Variants in RUNX1 observed in about 807,000 individuals in gnomAD.
RUNX1 encodes RUNX family transcription factor 1.
Under a neutral mutation model 42.8 loss-of-function variants are expected in RUNX1, and 19 were observed. That is an observed-to-expected ratio of 0.44 (90% CI 0.31 to 0.65). RUNX1 has a LOEUF of 0.65. RUNX1 is among the 30% of genes least tolerant of loss of function. The pLI, the probability that RUNX1 is intolerant of heterozygous loss-of-function variation, is 0.07. For missense variants in RUNX1, 528 were observed against 672.0 expected (o/e 0.79, Z 2.37); for synonymous variants, 271 against 289.4 (o/e 0.94, Z 0.64).
At chr21:34,974,168 T>C (rs931232715) in intron 2 of RUNX1, among the ~76,000 whole-genome samples, 9 of 152,320 alleles carry the variant, frequency 5.9e-5, no homozygotes, top group Admixed American at 6.5e-5. Context: ...CTTCTTGATA[T>C]GCCTGATAGT....
At chr21:35,020,843 C>T (rs1047880921) in intron 2 of RUNX1, among the ~76,000 whole-genome samples, 1 of 152,124 alleles carries the variant, frequency 6.6e-6, no homozygotes, top group African/African-American at 2.4e-5. Flanking sequence ...GTATTTACAA[C>T]CTTTAAAAGT....
At chr21:34,885,351 G>A (rs1256197755) in intron 4 of RUNX1, among the ~76,000 whole-genome samples, 1 of 152,130 alleles carries the variant, frequency 6.6e-6, no homozygotes, top group Non-Finnish European at 1.5e-5. Context: ...AGTCCATTTA[G>A]GCAAAGGGTT....
intron 1 of RUNX1, 49 bp from the exon 2 acceptor site, chr21:35,049,007 A>T: frequency 2.2e-6 from 2 of 891,232 alleles, no homozygotes; most frequent in Non-Finnish European, 1.9e-6. Flanking sequence ...TCACCCCTCT[A>T]GCCCTACATC....
chr21:34,900,454 T>C (rs1288686070), intron 2 of RUNX1, among the ~76,000 whole-genome samples: 1 of 152,218 alleles, frequency 6.6e-6, no homozygotes, highest in East Asian at 1.9e-4. Flanking sequence ...GACCACTAAA[T>C]AGTGCATCTT....
At chr21:34,871,283 A>T (rs1456484599) in intron 5 of RUNX1, among the ~76,000 whole-genome samples, 1 of 152,198 alleles carries the variant, frequency 6.6e-6, no homozygotes, top group Admixed American at 6.5e-5. Context: ...GACACCGTCC[A>T]CGAACTCCCA....
chr21:34,886,783 G>C (rs1408379341), intron 4 of RUNX1, 60 bp downstream of exon 4: 32 of 1,609,406 alleles, frequency 2.0e-5, no homozygotes, highest in Middle Eastern at 4.4e-4. Flanking sequence ...TGCCCTCGCG[G>C]ATCTCCCCCG....
intron 2 of RUNX1, among the ~76,000 whole-genome samples, chr21:34,983,069 A>T (rs766574041): frequency 2.0e-5 from 3 of 152,184 alleles, no homozygotes; most frequent in Non-Finnish European, 4.4e-5. Flanking sequence ...TCTCTCATCC[A>T]TGATGTCTGG....
chr21:35,041,194 T>C (rs1039110387), intron 2 of RUNX1, among the ~76,000 whole-genome samples: 1 of 152,258 alleles, frequency 6.6e-6, no homozygotes, highest in African/African-American at 2.4e-5. Context: ...AGTTGGATGT[T>C]GGCAAAGAAA....
rs577888002 is a variant in RUNX1, at chr21:34,908,474, C to T, written c.59-15511G>A. Among the ~76,000 whole-genome samples, 14 of 152,194 alleles carry T rather than the reference C, an allele frequency of 9.2e-5. 1 individual carries two copies. The South Asian group carries it at 2.9e-3, about 32-fold the overall frequency. The stretch of plus-strand genomic sequence containing the variant: ...ATAGTCTTGGATGATACAGCAAGGT[C>T]GTTGCTCAATTTTATGTTGTAACAC... On this transcript the variant is annotated intron_variant, in intron 2 of 8. Coordinates refer to ENST00000675419, the MANE Select transcript of RUNX1 (RefSeq NM_001754.5).
rs1349645313 is a variant in RUNX1, at chr21:35,031,741, C to T, written c.58+17101G>A. Among the ~76,000 whole-genome samples the T allele has an allele frequency of 2.6e-5, 4 of 152,198 alleles. No homozygotes were observed. The South Asian group carries it at 6.2e-4, about 24-fold the overall frequency. Reference sequence around the variant, plus strand: ...CAGCAACATGGATGAACTTGGAGTACATTACACTAAATAAAATAAGGCAGG... The same window carrying T: ...CAGCAACATGGATGAACTTGGAGTATATTACACTAAATAAAATAAGGCAGG... On this transcript the variant is annotated intron_variant, in intron 2 of 8. Coordinates refer to ENST00000675419, the MANE Select transcript of RUNX1 (RefSeq NM_001754.5).
At chr21:34,849,998 C>T (rs2057394577) in intron 6 of RUNX1, among the ~76,000 whole-genome samples, 1 of 151,480 alleles carries the variant, frequency 6.6e-6, no homozygotes, top group South Asian at 2.1e-4. Context: ...CTTACTAATG[C>T]CTTTCCTAGT....
intron 2 of RUNX1, among the ~76,000 whole-genome samples, chr21:35,010,621 ACACG>A (rs1046699049): frequency 1.4e-5 from 2 of 147,402 alleles, no homozygotes; most frequent in Non-Finnish European, 3.0e-5. Flanking sequence ...GAGTACACAC[ACACG>A]CACACACACA....
chr21:34,856,545 T>G (rs758385419), intron 6 of RUNX1: 1 of 460,748 alleles, frequency 2.2e-6, no homozygotes. Context: ...AGCACAGAAG[T>G]AGACATCAGG....
At chr21:34,969,853 G>A (rs1011609166) in intron 2 of RUNX1, among the ~76,000 whole-genome samples, 2 of 151,720 alleles carry the variant, frequency 1.3e-5, no homozygotes, top group African/African-American at 4.9e-5. Flanking sequence ...AAAGACAAAA[G>A]ACTGGTGTCA....
intron 2 of RUNX1, among the ~76,000 whole-genome samples, chr21:35,047,592 C>G (rs1228085730): frequency 6.7e-6 from 1 of 149,904 alleles, no homozygotes; most frequent in Non-Finnish European, 1.5e-5. Flanking sequence ...CTCTCTCTCT[C>G]TCTCTCATCA....
intron 2 of RUNX1, among the ~76,000 whole-genome samples, chr21:34,940,674 A>G (rs2058520005): frequency 6.6e-6 from 1 of 152,100 alleles, no homozygotes; most frequent in Admixed American, 6.6e-5. Flanking sequence ...AGGCTTGTAA[A>G]CTCTTCAGAA....
At chr21:34,897,458 G>A (rs761883802) in intron 2 of RUNX1, among the ~76,000 whole-genome samples, 1 of 152,212 alleles carries the variant, frequency 6.6e-6, no homozygotes, top group Non-Finnish European at 1.5e-5. Flanking sequence ...TCCTCATCTT[G>A]GAGGGGGGCA....
At chr21:35,040,770 C>CA (rs1568808489) in intron 2 of RUNX1, among the ~76,000 whole-genome samples, 2,897 of 50,346 alleles carry the variant, frequency 0.058, 320 homozygotes, top group South Asian at 0.11. Flanking sequence ...TAGACTCCAT[C>CA]CAAAAAAAAA....
At chr21:35,001,066 CT>C (rs1383782956) in intron 2 of RUNX1, among the ~76,000 whole-genome samples, 1 of 152,152 alleles carries the variant, frequency 6.6e-6, no homozygotes, top group Non-Finnish European at 1.5e-5. Context: ...TGCCTGTTTT[CT>C]TTTGCTCGTT....
Sources: gnomAD v4.1 joint callset for allele counts (sites outside exome capture counted in the v4.1 genomes callset) on GRCh38, gnomAD v4.1.1 for gene constraint, MANE v1.5 for transcripts, NCBI Gene and HGNC (gene_info 2026-07-23, HGNC 2026-07-21) for gene names.